Variants in PPA2 observed in about 807,000 individuals in gnomAD.
PPA2 encodes the protein inorganic pyrophosphatase 2, also known as inorganic pyrophosphatase 2, mitochondrial.
A neutral mutation model predicts 49.5 loss-of-function variants in PPA2; 48 were observed. The ratio of observed to expected loss-of-function variants is 0.97; its 90% CI spans 0.77 to 1.23. The LOEUF (loss-of-function observed/expected upper bound fraction) is 1.23, where lower values mean the gene tolerates loss of function less well. Ranked by LOEUF, PPA2 falls within the 50% of genes most tolerant of loss-of-function variation. PPA2 has a pLI of 0.00. For missense variants in PPA2, 429 were observed against 410.1 expected (o/e 1.05, Z -0.40); for synonymous variants, 131 against 139.9 (o/e 0.94, Z 0.45).
At chr4:105,400,727 C>T (rs1338424174) in intron 7 of PPA2, among the ~76,000 whole-genome samples, 1 of 152,094 alleles carries the variant, frequency 6.6e-6, no homozygotes, top group Non-Finnish European at 1.5e-5. Context: ...AATCATATAA[C>T]TTTTGTATGA....
intron 7 of PPA2, among the ~76,000 whole-genome samples, chr4:105,422,872 T>C (rs931040506): frequency 6.6e-6 from 1 of 152,202 alleles, no homozygotes; most frequent in Non-Finnish European, 1.5e-5. Flanking sequence ...TGCTCAGCTT[T>C]TTCAGTTTAA....
intron 9 of PPA2, among the ~76,000 whole-genome samples, chr4:105,389,085 T>C (rs1733802492): frequency 6.6e-6 from 1 of 152,194 alleles, no homozygotes; most frequent in African/African-American, 2.4e-5. Flanking sequence ...TGTGTGTACA[T>C]ACCTAAATGT....
intron 7 of PPA2, among the ~76,000 whole-genome samples, chr4:105,421,046 G>A (rs1033128153): frequency 6.6e-6 from 1 of 152,078 alleles, no homozygotes; most frequent in Non-Finnish European, 1.5e-5. Context: ...AGGTTGTAAG[G>A]GACAGAAAAG....
At chr4:105,433,073 G>GT (rs1377481560) in intron 6 of PPA2, among the ~76,000 whole-genome samples, 1 of 152,136 alleles carries the variant, frequency 6.6e-6, no homozygotes, top group East Asian at 1.9e-4. Flanking sequence ...ATAAGCATCA[G>GT]TATTAAGGTT....
chr4:105,466,819 C>G (rs541580044), intron 1 of PPA2, among the ~76,000 whole-genome samples: 1 of 152,214 alleles, frequency 6.6e-6, no homozygotes, highest in African/African-American at 2.4e-5. Context: ...AGCCTCCCAG[C>G]ACTTGGGAAA....
At position 105,369,769 on chromosome 4, in the gene PPA2, G is replaced by A; in HGVS notation, c.977-16C>T. The stretch of plus-strand genomic sequence containing the variant: ...CACACTTGCTCTGCATTTAAAATGG[G>A]GAAAGAGGGTATTAGGGAAGGGATA... On this transcript the variant is annotated splice_polypyrimidine_tract_variant and intron_variant, in intron 11 of 11. Coordinates refer to ENST00000341695, the MANE Select transcript of PPA2 (RefSeq NM_176869.3). 6.3e-7 allele frequency: 1 copy of A among 1,575,834 alleles called. No individual in the cohort carries two copies. Among genetic ancestry groups the A allele is most frequent in the Non-Finnish European group, 8.7e-7 (1 of 1,145,316 alleles).
intron 3 of PPA2, among the ~76,000 whole-genome samples, chr4:105,452,795 C>A (rs887019113): frequency 1.3e-5 from 2 of 152,014 alleles, no homozygotes; most frequent in Admixed American, 6.6e-5. Context: ...GAATGACAGA[C>A]ATCAATCAAA....
chr4:105,428,673 G>T (rs950270743), intron 6 of PPA2, among the ~76,000 whole-genome samples: 2 of 151,210 alleles, frequency 1.3e-5, no homozygotes, highest in Non-Finnish European at 2.9e-5. Flanking sequence ...CCTGTTGGGG[G>T]TGGGGGGCTA....
intron 5 of PPA2, among the ~76,000 whole-genome samples, chr4:105,442,006 CTT>C (rs11429892): frequency 0.013 from 1,852 of 143,948 alleles, 35 homozygotes; most frequent in African/African-American, 0.041. Flanking sequence ...ACTACCATCA[CTT>C]TTTTTTTTTT....
intron 7 of PPA2, among the ~76,000 whole-genome samples, chr4:105,419,274 G>A (rs1041253301): frequency 2.5e-4 from 38 of 152,058 alleles, no homozygotes; most frequent in African/African-American, 6.0e-4. Flanking sequence ...GTCATTTAAC[G>A]TTAGGTATAT....
chr4:105,396,270 C>A lies in PPA2; in HGVS notation c.848G>T (p.Cys283Phe). 6.3e-7 allele frequency: 1 copy of A among 1,592,784 alleles called. No homozygotes were observed. The highest frequency in any genetic ancestry group is 8.6e-7 in the Non-Finnish European group (1 of 1,168,476). Residue 283 changes from cysteine to phenylalanine, a missense_variant, in exon 9 of 12, where the codon TGT (cysteine) becomes TTT (phenylalanine). Cys to Phe is a radical substitution (Grantham distance 205). Coordinates refer to ENST00000341695, the MANE Select transcript of PPA2 (RefSeq NM_176869.3). The part of the protein sequence containing the change: ...QCWKALLMKK[C>F]NGGAINCTNV... ...TTACCAATTTATAGCTCCTCCATTA[C>A]ACTTCTTCATAAGCAATGCTTTCCA...
At chr4:105,391,952 T>A (rs1733939636) in intron 9 of PPA2, among the ~76,000 whole-genome samples, 1 of 152,022 alleles carries the variant, frequency 6.6e-6, no homozygotes, top group Non-Finnish European at 1.5e-5. Context: ...ATTAGTGTAG[T>A]TTTATAACTA....
intron 10 of PPA2, among the ~76,000 whole-genome samples, chr4:105,374,984 G>A (rs1231154737): frequency 6.6e-6 from 1 of 151,510 alleles, no homozygotes. Context: ...GAGCCACTGT[G>A]CCCAGCCGGA....
intron 2 of PPA2, chr4:105,453,866 C>T: frequency 2.6e-6 from 1 of 383,142 alleles, no homozygotes; most frequent in South Asian, 1.1e-4. Flanking sequence ...ATCAGAAAAG[C>T]CAAACCTCTT....
intron 7 of PPA2, among the ~76,000 whole-genome samples, chr4:105,419,284 T>A (rs564096163): frequency 1.2e-4 from 19 of 152,196 alleles, no homozygotes; most frequent in Non-Finnish European, 2.6e-4. Flanking sequence ...GTTAGGTATA[T>A]CTCCTAATGC....
At chr4:105,446,885 T>C (rs1431551210) in intron 4 of PPA2, among the ~76,000 whole-genome samples, 3 of 152,166 alleles carry the variant, frequency 2.0e-5, no homozygotes, top group Non-Finnish European at 2.9e-5. Flanking sequence ...TCCTACCATA[T>C]ATTCAATAGT....
At chr4:105,443,623 ACACACACACACACAGACT>A (rs1186764718) in intron 5 of PPA2, among the ~76,000 whole-genome samples, 1 of 121,730 alleles carries the variant, frequency 8.2e-6, no homozygotes, top group Non-Finnish European at 1.9e-5. Context: ...ACACACACAC[ACACACACACACACAGACT>A]CTCTCTCTCT....
At chr4:105,403,239 G>A (rs1722306659) in intron 7 of PPA2, among the ~76,000 whole-genome samples, 1 of 151,878 alleles carries the variant, frequency 6.6e-6, no homozygotes, top group Admixed American at 6.6e-5. Flanking sequence ...TTTTGTTTTA[G>A]TTGCTTTGTT....
chr4:105,459,754 C>T (rs576899865), intron 1 of PPA2, among the ~76,000 whole-genome samples: 1 of 152,296 alleles, frequency 6.6e-6, no homozygotes, highest in East Asian at 1.9e-4. Flanking sequence ...AAGGAATGCA[C>T]TATTGATACA....
Sources: allele counts gnomAD v4.1 joint callset (sites outside exome capture counted in the v4.1 genomes callset), GRCh38; gene constraint gnomAD v4.1.1; transcripts MANE v1.5; gene names NCBI Gene and HGNC (gene_info 2026-07-23, HGNC 2026-07-21).